The following DOK6 variants were observed in gnomAD, a reference collection of about 807,000 sequenced individuals.
DOK6 encodes the protein docking protein 6, also known as downstream of tyrosine kinase 6.
DOK6 carries 22 observed loss-of-function variants against 44.0 expected under a neutral mutation model. That is an observed-to-expected ratio of 0.50 (90% confidence interval 0.36 to 0.71). The LOEUF (loss-of-function observed/expected upper bound fraction) is 0.71, where lower values mean the gene tolerates loss of function less well. Among genes scored for constraint, DOK6 ranks in the 30% least tolerant of loss-of-function variants. The pLI is 0.00. For missense variants in DOK6, 340 were observed against 416.4 expected, an observed-to-expected ratio of 0.82 and a Z score of 1.60; for synonymous variants, 166 against 145.5, an observed-to-expected ratio of 1.14 and a Z score of -1.01.
chr18:69,783,906 G>A (rs534168073), intron 7 of DOK6, among the ~76,000 whole-genome samples: 7 of 151,922 alleles, frequency 4.6e-5, no homozygotes, highest in South Asian at 4.2e-4. Context: ...ACGATTTTCT[G>A]CCCTTGGCTG....
chr18:69,434,348 A>G (rs559799035), intron 1 of DOK6, among the ~76,000 whole-genome samples: 1 of 152,348 alleles, frequency 6.6e-6, no homozygotes, highest in East Asian at 1.9e-4. Context: ...CATTGAACAA[A>G]ATGGGGAAAA....
intron 3 of DOK6, among the ~76,000 whole-genome samples, chr18:69,652,673 C>T (rs1409318960): frequency 1.3e-5 from 2 of 152,132 alleles, no homozygotes; most frequent in East Asian, 3.9e-4. Flanking sequence ...CAGATACACT[C>T]TAGGATGTTT....
intron 1 of DOK6, among the ~76,000 whole-genome samples, chr18:69,435,942 C>G (rs1978963951): frequency 6.6e-6 from 1 of 151,988 alleles, no homozygotes; most frequent in African/African-American, 2.4e-5. Flanking sequence ...TTATTCCCTG[C>G]TATGAAAACT....
chr18:69,831,767 T>C (rs1981908965), intron 7 of DOK6, among the ~76,000 whole-genome samples: 1 of 152,230 alleles, frequency 6.6e-6, no homozygotes, highest in South Asian at 2.1e-4. Flanking sequence ...ATAACCATAC[T>C]AGTCTGGTTT....
intron 2 of DOK6, among the ~76,000 whole-genome samples, chr18:69,567,803 C>T (rs764086092): frequency 1.8e-4 from 27 of 152,278 alleles, no homozygotes; most frequent in Non-Finnish European, 3.2e-4. Context: ...ACTCAAGAAA[C>T]GACAGGTAGA....
At chr18:69,757,998 T>G in intron 7 of DOK6, 125 bp downstream of exon 7, 7 of 783,698 alleles carry the variant, frequency 8.9e-6, no homozygotes, top group South Asian at 7.6e-5. Flanking sequence ...CAGCTGTCAC[T>G]GGCCACAGTG....
At chr18:69,749,093 G>C (rs913753147) in intron 6 of DOK6, among the ~76,000 whole-genome samples, 23 of 152,108 alleles carry the variant, frequency 1.5e-4, no homozygotes, top group African/African-American at 4.3e-4. Flanking sequence ...CTTGCGAGTG[G>C]GAACTGAACA....
intron 3 of DOK6, among the ~76,000 whole-genome samples, chr18:69,635,652 G>C (rs953164405): frequency 3.3e-5 from 5 of 151,990 alleles, no homozygotes; most frequent in African/African-American, 1.2e-4. Flanking sequence ...GCATGTGGTA[G>C]CATCACAATT....
intron 7 of DOK6, among the ~76,000 whole-genome samples, chr18:69,822,861 G>C (rs552842989): frequency 6.6e-6 from 1 of 152,178 alleles, no homozygotes; most frequent in Non-Finnish European, 1.5e-5. Flanking sequence ...AGTTATAAAA[G>C]TTTTTTTAAA....
intron 4 of DOK6, among the ~76,000 whole-genome samples, chr18:69,688,300 C>T (rs986838486): frequency 6.6e-6 from 1 of 152,100 alleles, no homozygotes; most frequent in African/African-American, 2.4e-5. Flanking sequence ...CCCAGTAAAC[C>T]AGACATGTTT....
chr18:69,696,587 T>A (rs1986394181), intron 4 of DOK6, among the ~76,000 whole-genome samples: 1 of 152,236 alleles, frequency 6.6e-6, no homozygotes, highest in African/African-American at 2.4e-5. Flanking sequence ...GCACAACAGG[T>A]ACCACTGACA....
intron 7 of DOK6, among the ~76,000 whole-genome samples, chr18:69,830,090 G>GA (rs1389979861): frequency 7.9e-5 from 12 of 151,824 alleles, no homozygotes; most frequent in Non-Finnish European, 1.8e-4. Flanking sequence ...ATACCTTCCA[G>GA]AAAAAAGGCC....
intron 5 of DOK6, among the ~76,000 whole-genome samples, chr18:69,715,232 T>TTTTAGAATTAAGTGAGATGACACTTAA (rs1276890913): frequency 1.1e-4 from 17 of 152,146 alleles, no homozygotes; most frequent in Non-Finnish European, 2.5e-4. Flanking sequence ...ACGCAGTTGT[T>TTTTAGAATTAAGTGAGATGACACTTAA]TTTAGAATTA....
Position 69,698,447 on chromosome 18 carries a change from T to G in DOK6, c.453T>G (p.Ile151Met). 1 of 1,613,876 alleles carries G rather than the reference T, an allele frequency of 6.2e-7. No individual in the cohort carries two copies. Among genetic ancestry groups the G allele is most frequent in the African/African-American group, 1.3e-5 (1 of 75,024 alleles). Residue 151 changes from isoleucine (I) to methionine (M), a missense_variant, in exon 5 of 8, where the codon ATT becomes ATG. Physicochemically the swap from Ile to Met is conservative, Grantham distance 10. Around this residue, in one of 3 missense-constraint regions of DOK6, gnomAD observed 206 missense variants for 258.6 expected, o/e 0.80. Transcript: ENST00000382713. The stretch of plus-strand genomic sequence containing the variant: ...TTATGCCTACACCAAACCTGGATAT[T>G]TATGGTGAATGCACAATGCAGATCA... ...VYLMPTPNLD[I>M]YGECTMQITH...
chr18:69,438,409 C>G (rs1979044213), intron 1 of DOK6, among the ~76,000 whole-genome samples: 1 of 152,160 alleles, frequency 6.6e-6, no homozygotes, highest in African/African-American at 2.4e-5. Context: ...TTCAGCAATT[C>G]AGTCACATCT....
At position 69,401,231 on chromosome 18, in the gene DOK6, C is replaced by T; in HGVS notation, c.-14C>T. ...GAGCGGATCGCGGGGCGCAGGAGCCCGATCGCGCTGGCCATGGCCTCCAAC... is the reference window on the plus strand; with the variant it reads ...GAGCGGATCGCGGGGCGCAGGAGCCTGATCGCGCTGGCCATGGCCTCCAAC... On this transcript the variant is annotated 5_prime_UTR_variant, in exon 1 of 8. The change creates a premature stop within an existing upstream ORF in the 5' untranslated region. Coordinates refer to ENST00000382713, the MANE Select transcript of DOK6 (RefSeq NM_152721.6). 1 of 1,556,016 alleles carries T rather than the reference C, an allele frequency of 6.4e-7. No individual in the cohort carries two copies. Among genetic ancestry groups the T allele is most frequent in the Non-Finnish European group, 8.7e-7 (1 of 1,152,782 alleles).
At position 69,416,030 on chromosome 18, in the gene DOK6, C is replaced by T. The variant is rs1978332263; in HGVS notation, c.66+14720C>T. Among the ~76,000 whole-genome samples the T allele has an allele frequency of 2.7e-5, 4 of 150,584 alleles. No individual in the cohort carries two copies. The Admixed American group carries it at 2.7e-4, about 10-fold the overall frequency. Reference sequence around the variant, plus strand: ...TCTTCTGTAGCTACTCCATTTTCTTCTGCTTTCCAGATCTCTAGAAAAATT... The same window carrying T: ...TCTTCTGTAGCTACTCCATTTTCTTTTGCTTTCCAGATCTCTAGAAAAATT... On this transcript the variant is annotated intron_variant, in intron 1 of 7. Coordinates refer to ENST00000382713, the MANE Select transcript of DOK6 (RefSeq NM_152721.6).
intron 5 of DOK6, among the ~76,000 whole-genome samples, chr18:69,700,024 C>G (rs1986477775): frequency 6.6e-6 from 1 of 151,848 alleles, no homozygotes; most frequent in Admixed American, 6.6e-5. Flanking sequence ...GGGGTTTCCC[C>G]TTATCAAAAC....
chr18:69,512,332 C>CTTCTTCTTTTTTTTT (rs59109570), intron 1 of DOK6, among the ~76,000 whole-genome samples: 4 of 91,690 alleles, frequency 4.4e-5, no homozygotes, highest in African/African-American at 1.9e-4. Context: ...CTTTCTTCTT[C>CTTCTTCTTTTTTTTT]TTTTTTTTTT....
Sources: allele counts gnomAD v4.1 joint callset (sites outside exome capture counted in the v4.1 genomes callset), GRCh38; gene constraint gnomAD v4.1.1; regional missense constraint gnomAD v4.1.1; transcripts MANE v1.5; gene names NCBI Gene and HGNC (gene_info 2026-07-23, HGNC 2026-07-21).